The following CAMK2B variants were observed in gnomAD, a reference collection of about 807,000 sequenced individuals.
CAMK2B encodes calcium/calmodulin-dependent protein kinase type II subunit beta.
CAMK2B carries 27 observed loss-of-function variants against 93.7 expected under a neutral mutation model. That is an observed-to-expected ratio of 0.29 (90% CI 0.21 to 0.40). The LOEUF (loss-of-function observed/expected upper bound fraction) is 0.40. CAMK2B is among the 10% of genes least tolerant of loss of function. CAMK2B has a pLI of 1.00. For synonymous variants in CAMK2B, 374 were observed against 358.8 expected, an observed-to-expected ratio of 1.04 and a Z score of -0.48; for missense variants, 568 against 895.8, an observed-to-expected ratio of 0.63 and a Z score of 4.67.
chr7:44,240,776 G>A, intron 11 of CAMK2B, 27 bp from the exon 12 acceptor site: 1 of 1,612,000 alleles, frequency 6.2e-7, no homozygotes, highest in Non-Finnish European at 8.5e-7. Context: ...ATAAAACCGG[G>A]GCTATCCCAT....
At chr7:44,296,040 A>G (rs897023178) in intron 1 of CAMK2B, among the ~76,000 whole-genome samples, 2 of 152,314 alleles carry the variant, frequency 1.3e-5, no homozygotes, top group African/African-American at 4.8e-5. Flanking sequence ...TACCCGGTAC[A>G]TCATGTCCAG....
At chr7:44,319,187 G>T (rs1031128300) in intron 1 of CAMK2B, among the ~76,000 whole-genome samples, 1 of 152,132 alleles carries the variant, frequency 6.6e-6, no homozygotes, top group Non-Finnish European at 1.5e-5. Flanking sequence ...AAGAGAGAGA[G>T]AATTAAATTT....
intron 1 of CAMK2B, among the ~76,000 whole-genome samples, chr7:44,296,787 A>C (rs1302645562): frequency 6.6e-6 from 1 of 152,198 alleles, no homozygotes; most frequent in Non-Finnish European, 1.5e-5. Context: ...TGTTGGAAGA[A>C]ATGAACCACC....
chr7:44,293,643 T>C (rs1787468724), intron 1 of CAMK2B, among the ~76,000 whole-genome samples: 1 of 152,206 alleles, frequency 6.6e-6, no homozygotes, highest in Non-Finnish European at 1.5e-5. Flanking sequence ...AGTTAGATTA[T>C]CTTAAGGAGC....
At position 44,274,198 on chromosome 7, in the gene CAMK2B, TCGGGGCTCC is replaced by T. The variant is rs1334460015; in HGVS notation, c.160+9924_160+9932del. Among the ~76,000 whole-genome samples the T allele has an allele frequency of 2.0e-5, 3 of 151,782 alleles. No homozygotes were observed. In the East Asian group the frequency reaches 5.8e-4, roughly 29 times the overall value. On this transcript the variant is annotated intron_variant, in intron 2 of 23. Coordinates refer to ENST00000395749, the MANE Select transcript of CAMK2B (RefSeq NM_001220.5). ...CTAATCACTCCACACCGAGCTGGAGTCGGGGCTCCCCCAGGTGACATGCAGACAATGGAA... is the reference window on the plus strand; with the variant it reads ...CTAATCACTCCACACCGAGCTGGAGTCCCAGGTGACATGCAGACAATGGAA...
At chr7:44,273,375 C>T (rs944627238) in intron 2 of CAMK2B, among the ~76,000 whole-genome samples, 20 of 152,182 alleles carry the variant, frequency 1.3e-4, no homozygotes, top group East Asian at 3.9e-4. Context: ...CAGTCATCCC[C>T]GTAACCCCAG....
At chr7:44,295,834 G>A (rs1487647451) in intron 1 of CAMK2B, among the ~76,000 whole-genome samples, 1 of 152,140 alleles carries the variant, frequency 6.6e-6, no homozygotes, top group East Asian at 1.9e-4. Context: ...CCCAACTCCA[G>A]CCCCCTCCAG....
chr7:44,220,800 GC>G (rs540923791), intron 21 of CAMK2B, 25 bp downstream of exon 21: 600 of 1,500,538 alleles, frequency 4.0e-4, no homozygotes, highest in Admixed American at 6.1e-4. Context: ...GTCCTGCACA[GC>G]CCCCCCCCAG....
At chr7:44,296,106 A>T (rs1046640220) in intron 1 of CAMK2B, among the ~76,000 whole-genome samples, 13 of 152,224 alleles carry the variant, frequency 8.5e-5, no homozygotes, top group African/African-American at 3.1e-4. Context: ...TAGTCTGAAG[A>T]TACAGAGCAT....
intron 1 of CAMK2B, among the ~76,000 whole-genome samples, chr7:44,313,987 G>T (rs1471717327): frequency 6.6e-6 from 1 of 151,898 alleles, no homozygotes; most frequent in Admixed American, 6.6e-5. Context: ...GAAGATTAGG[G>T]GAGGCCGCCC....
At chr7:44,239,290 T>G (rs1444463940) in intron 13 of CAMK2B, among the ~76,000 whole-genome samples, 3 of 152,162 alleles carry the variant, frequency 2.0e-5, no homozygotes, top group African/African-American at 7.2e-5. Context: ...CCCAGGCCAT[T>G]CTTAATGGGG....
At position 44,226,693 on chromosome 7, in the gene CAMK2B, C is replaced by T. The variant is rs202048196; in HGVS notation, c.1469-49G>A. The T allele has an allele frequency of 2.8e-3, 4,124 of 1,464,280 alleles. 12 individuals are homozygous for T. Among genetic ancestry groups the T allele is most frequent in the Middle Eastern group, 5.1e-3 (23 of 4,530 alleles). The allele number at this position is 1,464,280 out of a possible 1,614,324, so 90.7% of individuals were successfully genotyped here. ...GAACACAAGGCAGGCACGGGGGGCA[C>T]GCAGGAGAGAAACCATGGGCAGACA... On this transcript the variant is annotated intron_variant, in intron 19 of 23. Coordinates refer to ENST00000395749, the MANE Select transcript of CAMK2B (RefSeq NM_001220.5).
Position 44,271,550 on chromosome 7 carries a change from A to G in CAMK2B, c.161-8486T>C, listed in dbSNP as rs1273358827. Among the ~76,000 whole-genome samples, 2 of 152,218 alleles carry G rather than the reference A, an allele frequency of 1.3e-5. No homozygotes were observed. The highest frequency in any genetic ancestry group is 2.4e-5 in the African/African-American group (1 of 41,464). On this transcript the variant is annotated intron_variant, in intron 2 of 23. Transcript: ENST00000395749. The surrounding 1 kb of genome is among the most constrained non-coding windows in gnomAD (Gnocchi z 4.2). Reference sequence around the variant, plus strand: ...ATTGGCTGTGGGGTGGGGCAGGCAGAGGCCAGCTCACATCTTGGGGCCAGC... The same window carrying G: ...ATTGGCTGTGGGGTGGGGCAGGCAGGGGCCAGCTCACATCTTGGGGCCAGC...
At chr7:44,226,423 A>C in intron 20 of CAMK2B, 93 bp downstream of exon 20, 2 of 1,090,688 alleles carry the variant, frequency 1.8e-6, no homozygotes, top group East Asian at 6.4e-5. Flanking sequence ...CCTCCTCCGC[A>C]AGAATGGCCC....
chr7:44,257,768 C>T (rs2096846649), intron 4 of CAMK2B, among the ~76,000 whole-genome samples: 1 of 152,282 alleles, frequency 6.6e-6, no homozygotes, highest in Non-Finnish European at 1.5e-5. Context: ...ACAGTCTCAG[C>T]TTCTCTAGGC....
At chr7:44,324,633 A>C (rs1345862172) in intron 1 of CAMK2B, among the ~76,000 whole-genome samples, 2 of 151,786 alleles carry the variant, frequency 1.3e-5, no homozygotes, top group Admixed American at 6.6e-5. Flanking sequence ...ACAGTCCAAA[A>C]TCCAGCCCCC....
intron 1 of CAMK2B, among the ~76,000 whole-genome samples, chr7:44,319,892 T>C (rs1795665723): frequency 1.3e-5 from 2 of 152,204 alleles, no homozygotes; most frequent in Admixed American, 6.5e-5. Flanking sequence ...ATCACATATA[T>C]GGTGATTCCA....
Position 44,225,798 on chromosome 7 carries a change from A to C in CAMK2B, c.1597+718T>G. The C allele has an allele frequency of 7.8e-7, 1 of 1,289,478 alleles. No homozygotes were observed. Among genetic ancestry groups the C allele is most frequent in the Non-Finnish European group, 1.0e-6 (1 of 988,790 alleles). The allele number at this position is 1,289,478 out of a possible 1,614,324, so 79.9% of individuals were successfully genotyped here. On this transcript the variant is annotated intron_variant, in intron 20 of 23. Coordinates refer to ENST00000395749, the MANE Select transcript of CAMK2B (RefSeq NM_001220.5). This position sits in a 1 kb window ranked among gnomAD's most constrained non-coding sequence, Gnocchi z 5.0. ...CCCTGCCATGCCGAGCCCGTGGCCC[A>C]GCAGCCTCTTCTCTAAGAGTATCTC...
At chr7:44,231,120 A>G (rs1185217234) in intron 16 of CAMK2B, 66 bp from the exon 17 acceptor site, 3 of 911,160 alleles carry the variant, frequency 3.3e-6, no homozygotes, top group East Asian at 4.7e-5. Context: ...GGCTGAGGGC[A>G]GGTGGACAGG....
Sources: gnomAD v4.1 joint callset for allele counts (sites outside exome capture counted in the v4.1 genomes callset) on GRCh38, gnomAD v4.1.1 for gene constraint, Gnocchi (gnomAD v3.1) non-coding constraint, MANE v1.5 for transcripts, NCBI Gene and HGNC (gene_info 2026-07-23, HGNC 2026-07-21) for gene names.